OOEP: variants seen among roughly 807,000 people sequenced by gnomAD.
OOEP encodes the protein oocyte-expressed protein homolog.
OOEP carries 16 observed loss-of-function variants against 13.7 expected under a neutral mutation model. The observed-to-expected ratio is 1.16, with a 90% CI of 0.79 to 1.77. The LOEUF (loss-of-function observed/expected upper bound fraction) is 1.77. Among genes scored for constraint, OOEP ranks in the 40% most tolerant of loss-of-function variants. The probability of loss-of-function intolerance (pLI) is 0.00; values close to 1 mark genes in which losing one functional copy is unlikely to be tolerated. For synonymous variants in OOEP, 89 were observed against 77.1 expected (o/e 1.15, Z -0.81); for missense variants, 195 against 193.1 (o/e 1.01, Z -0.06).
At position 73,377,004 on chromosome 6, in the gene OOEP, T is replaced by C. The variant is rs139797007; in HGVS notation, c.26-7619A>G. 1.1e-4 allele frequency among the ~76,000 whole-genome samples: 17 copies of C among 152,310 alleles called. No individual in the cohort carries two copies. The East Asian group carries it at 3.3e-3, about 29-fold the overall frequency. ...TCCCTAAAATTGTAAAAAAATTTAT[T>C]GTTGGTGAGATGCCCTATGGTTCTT... On this transcript the variant is annotated intron_variant, in intron 2 of 3. Coordinates refer to the OOEP transcript ENST00000370363.
upstream of OOEP, among the ~76,000 whole-genome samples, chr6:73,373,881 G>A (rs1390991574): frequency 1.3e-5 from 2 of 151,918 alleles, no homozygotes; most frequent in East Asian, 1.9e-4. Flanking sequence ...GAGCCACTGC[G>A]CTTTGCCAAA....
chr6:73,379,718 G>A (rs1402553758), intron 2 of OOEP, among the ~76,000 whole-genome samples: 1 of 149,970 alleles, frequency 6.7e-6, no homozygotes, highest in African/African-American at 2.5e-5. Context: ...ATAGACAACA[G>A]CTGGTTTCTC....
chr6:73,371,239 C>T (rs1470962787), upstream of OOEP, among the ~76,000 whole-genome samples: 1 of 152,156 alleles, frequency 6.6e-6, no homozygotes, highest in Non-Finnish European at 1.5e-5. Flanking sequence ...GAAAACTTGA[C>T]TATCAGGTGT....
chr6:73,383,841 G>A (rs1028265643), intron 2 of OOEP, among the ~76,000 whole-genome samples: 1 of 152,076 alleles, frequency 6.6e-6, no homozygotes, highest in Non-Finnish European at 1.5e-5. Flanking sequence ...GGTCACACCT[G>A]TAATCACACT....
chr6:73,372,515 G>A (rs150041892), upstream of OOEP, among the ~76,000 whole-genome samples: 2 of 152,046 alleles, frequency 1.3e-5, no homozygotes, highest in African/African-American at 2.4e-5. Flanking sequence ...AATCTGATTC[G>A]CAAGTGTTGG....
At chr6:73,385,744 C>T (rs763388926) in intron 2 of OOEP, among the ~76,000 whole-genome samples, 18 of 152,000 alleles carry the variant, frequency 1.2e-4, no homozygotes, top group Non-Finnish European at 1.9e-4. Context: ...CCTGCCACCA[C>T]GCCCGGCTAG....
intron 2 of OOEP, among the ~76,000 whole-genome samples, chr6:73,387,376 T>C (rs1264807567): frequency 6.6e-6 from 1 of 151,726 alleles, no homozygotes; most frequent in African/African-American, 2.4e-5. Flanking sequence ...TAGCCGGGTG[T>C]GGTGGCAGGT....
intron 2 of OOEP, among the ~76,000 whole-genome samples, chr6:73,381,852 G>A (rs977520845): frequency 1.3e-5 from 2 of 152,064 alleles, no homozygotes; most frequent in African/African-American, 2.4e-5. Flanking sequence ...TGGTGGCACC[G>A]TGCCTGTAAA....
chr6:73,368,992 T>C, intron 2 of OOEP, 129 bp from the exon 3 acceptor site: 2 of 839,486 alleles, frequency 2.4e-6, no homozygotes, highest in Non-Finnish European at 3.9e-6. Context: ...TGAGGCTGAC[T>C]TGGGCAGTGA....
chr6:73,382,803 C>T (rs1212464090), intron 2 of OOEP, among the ~76,000 whole-genome samples: 1 of 151,520 alleles, frequency 6.6e-6, no homozygotes, highest in Non-Finnish European at 1.5e-5. Context: ...ATCCTCCTGG[C>T]TCAGCCTCCC....
At chr6:73,389,033 C>A (rs1769311679) in intron 2 of OOEP, among the ~76,000 whole-genome samples, 1 of 97,700 alleles carries the variant, frequency 1.0e-5, no homozygotes, top group Non-Finnish European at 2.0e-5. Context: ...GAAGCCGCGA[C>A]GCGAGCTGGA....
intron 2 of OOEP, among the ~76,000 whole-genome samples, chr6:73,379,602 G>A (rs1769174235): frequency 7.9e-6 from 1 of 127,308 alleles, no homozygotes; most frequent in African/African-American, 3.0e-5. Flanking sequence ...TTGTGCCACT[G>A]CACTCCACTC....
chr6:73,390,962 T>C (rs1771918439), intron 2 of OOEP: 1 of 152,066 alleles, frequency 6.6e-6, no homozygotes, highest in Non-Finnish European at 1.5e-5. Context: ...AATATTCGTG[T>C]TACCTGGAAT....
At position 73,369,658 on chromosome 6, in the gene OOEP, T is replaced by C. The variant is rs373393178; in HGVS notation, c.135A>G (p.Glu45=). ...RIRPWWFPVQ[E]LRDPLVFYLE... ...GGTAGAACACCAAAGGGTCTCTCAG[T>C]TCCTGCACCGGAAACCACCAGGGCC... Residue 45 remains glutamate, a synonymous_variant, in exon 1 of 3, where the codon GAA becomes GAG. Transcript: ENST00000370359. The C allele has an allele frequency of 9.3e-6, 15 of 1,613,868 alleles. No individual in the cohort carries two copies. The highest frequency in any genetic ancestry group is 6.7e-5 in the African/African-American group (5 of 74,932).
chr6:73,389,034 G>A (rs1175921206), intron 2 of OOEP, among the ~76,000 whole-genome samples: 1 of 88,550 alleles, frequency 1.1e-5, no homozygotes, highest in African/African-American at 4.6e-5. Context: ...AAGCCGCGAC[G>A]CGAGCTGGAA....
intron 2 of OOEP, among the ~76,000 whole-genome samples, chr6:73,378,541 C>G (rs552987813): frequency 1.2e-4 from 19 of 152,024 alleles, no homozygotes; most frequent in African/African-American, 4.3e-4. Context: ...GAATGAAACT[C>G]CAACTCAGAA....
chr6:73,395,123 CT>C (rs766641473), upstream of OOEP: 15 of 1,613,826 alleles, frequency 9.3e-6, no homozygotes, highest in Non-Finnish European at 1.3e-5. Context: ...CTGTGTTTTG[CT>C]TTGAAGAGCC....
intron 2 of OOEP, among the ~76,000 whole-genome samples, chr6:73,382,491 T>C (rs1299414022): frequency 6.6e-6 from 1 of 151,298 alleles, no homozygotes; most frequent in Non-Finnish European, 1.5e-5. Flanking sequence ...GCTGGGATTA[T>C]AAGCATGAGC....
In OOEP at chr6:73,369,359, T is replaced by C; in HGVS notation, c.217A>G (p.Met73Val). 6.2e-7 allele frequency: 1 copy of C among 1,613,208 alleles called. No individual in the cohort carries two copies. The highest frequency in any genetic ancestry group is 1.3e-5 in the African/African-American group (1 of 74,954). Residue 73 changes from methionine to valine, a missense_variant, in exon 2 of 3, where the codon ATG (methionine) becomes GTG (valine). Transcript: ENST00000370359. ...FGPDRAIIPE[M>V]EWTSQALLTV... The stretch of plus-strand genomic sequence containing the variant: ...AGCAGGGCCTGGCTCGTCCACTCCA[T>C]TTCTGGAATTATGGCTCGGTCTGGG...
Sources: gnomAD v4.1 joint callset for allele counts (sites outside exome capture counted in the v4.1 genomes callset) on GRCh38, gnomAD v4.1.1 for gene constraint, MANE v1.5 for transcripts, NCBI Gene and HGNC (gene_info 2026-07-23, HGNC 2026-07-21) for gene names.